Variants in KDM5A observed in about 807,000 individuals in gnomAD.
KDM5A encodes the protein lysine-specific demethylase 5A.
In KDM5A, 42 loss-of-function variants were observed where a neutral mutation model predicts 193.5. The ratio of observed to expected loss-of-function variants is 0.22; its 90% CI spans 0.17 to 0.28. The LOEUF is 0.28. Among genes scored for constraint, KDM5A ranks in the 10% least tolerant of loss-of-function variants. The probability of loss-of-function intolerance (pLI) is 1.00; values close to 1 mark genes in which losing one functional copy is unlikely to be tolerated. For synonymous variants in KDM5A, 796 were observed against 718.1 expected (o/e 1.11, Z -1.73); for missense variants, 1,692 against 2,055.1 (o/e 0.82, Z 3.42).
chr12:368,618 G>C (rs907747429), intron 3 of KDM5A, among the ~76,000 whole-genome samples: 8 of 152,116 alleles, frequency 5.3e-5, no homozygotes, highest in African/African-American at 1.9e-4. Flanking sequence ...TATCATCCCA[G>C]CTACTAGGGA....
Position 297,112 on chromosome 12 carries a change from G to A in KDM5A, c.4163C>T (p.Thr1388Ile), listed in dbSNP as rs375254444. ...AAATGAAGGTGCTGTCCACATGTGGGTCACCACCTCCTCGGATTTGATGGG... is the reference window on the plus strand; with the variant it reads ...AAATGAAGGTGCTGTCCACATGTGGATCACCACCTCCTCGGATTTGATGGG... ...EIPIKSEEVVTHMWTAPSFCA... is the reference protein window; with the variant it reads ...EIPIKSEEVVIHMWTAPSFCA... The change falls in exon 25 of 28, where the codon ACC (threonine) becomes ATC (isoleucine). Residue 1388 changes from threonine (T) to isoleucine (I), a missense_variant. Around this residue, in one of 11 missense-constraint regions of KDM5A, gnomAD observed 965 missense variants for 1,061.0 expected, o/e 0.91. Transcript: ENST00000399788. 4 of 1,613,892 alleles carry A rather than the reference G, an allele frequency of 2.5e-6. No homozygotes were observed. The highest frequency in any genetic ancestry group is 2.2e-5 in the East Asian group (1 of 44,822).
rs200223430 is a variant in KDM5A at position 349,021 on chromosome 12, C to CT, written c.1308+1599dup. Reference sequence around the variant, plus strand: ...AAGAAAAAAAAAATCAGCTTCTAGACTTTTTTTTTTTTTTTTGAGATACTG... The same window carrying CT: ...AAGAAAAAAAAAATCAGCTTCTAGACTTTTTTTTTTTTTTTTTGAGATACTG... On this transcript the variant is annotated intron_variant, in intron 10 of 27. Transcript: ENST00000399788. Among the ~76,000 whole-genome samples the CT allele has an allele frequency of 9.9e-4, 135 of 135,930 alleles. 1 individual carries two copies. The highest frequency in any genetic ancestry group is 3.8e-3 in the Middle Eastern group (1 of 266). The allele number at this position is 135,930 out of a possible 152,430, so 89.2% of individuals were successfully genotyped here. A position where few individuals can be genotyped will look rare whatever the true frequency, so the allele number is the denominator to read the frequency against.
At chr12:350,964 G>C (rs148526674) in intron 9 of KDM5A, among the ~76,000 whole-genome samples, 185 bp from the exon 10 acceptor site, 207 of 152,202 alleles carry the variant, frequency 1.4e-3, no homozygotes, top group African/African-American at 4.8e-3. Flanking sequence ...GAGACAACTC[G>C]GACGTTCAGA....
At chr12:387,926 C>G (rs1185857360) in intron 1 of KDM5A, among the ~76,000 whole-genome samples, 2 of 152,142 alleles carry the variant, frequency 1.3e-5, no homozygotes, top group East Asian at 1.9e-4. Flanking sequence ...ATTACTAATA[C>G]TAGACAAAAC....
At chr12:363,881 T>A (rs78860754) in intron 4 of KDM5A, among the ~76,000 whole-genome samples, 5 of 151,974 alleles carry the variant, frequency 3.3e-5, no homozygotes, top group Admixed American at 1.3e-4. Context: ...ACAAACTGTA[T>A]AACAAATTCA....
chr12:322,069 T>G (rs1209512866), intron 17 of KDM5A, among the ~76,000 whole-genome samples: 1 of 152,156 alleles, frequency 6.6e-6, no homozygotes, highest in Non-Finnish European at 1.5e-5. Context: ...GAAAAGCCCT[T>G]GCCAACAAAG....
In KDM5A at chr12:310,020, A is replaced by G; in HGVS notation, c.3217-56T>C. Reference sequence around the variant, plus strand: ...TGGTTTTGAAAATAATCTTAAAAGTAAAAATAATAAAGGAACCATTTGTTG... The same window carrying G: ...TGGTTTTGAAAATAATCTTAAAAGTGAAAATAATAAAGGAACCATTTGTTG... On this transcript the variant is annotated intron_variant, in intron 21 of 27. Coordinates refer to ENST00000399788, the MANE Select transcript of KDM5A (RefSeq NM_001042603.3). 1.9e-6 allele frequency: 3 copies of G among 1,564,398 alleles called. No homozygotes were observed. In the South Asian group the frequency reaches 3.5e-5, roughly 18 times the overall value.
intron 3 of KDM5A, among the ~76,000 whole-genome samples, chr12:376,678 G>GGGAGCTGTAGACC (rs1565552148): frequency 6.6e-6 from 1 of 152,002 alleles, no homozygotes; most frequent in African/African-American, 2.4e-5. Context: ...CGCTCACGCT[G>GGGAGCTGTAGACC]GGAGCTGTAG....
At chr12:287,621 G>A (rs935805099) in intron 27 of KDM5A, among the ~76,000 whole-genome samples, 23 of 152,098 alleles carry the variant, frequency 1.5e-4, no homozygotes, top group African/African-American at 4.8e-4. Context: ...TGTTTTGGCT[G>A]TTTGGGACTG....
Position 356,492 on chromosome 12 carries a change from G to C in KDM5A, c.718C>G (p.Gln240Glu), listed in dbSNP as rs2137458122. The change falls in exon 6 of 28, where the codon CAG becomes GAG. Residue 240 changes from glutamine (Q) to glutamate (E), a missense_variant. Around this residue, in one of 11 missense-constraint regions of KDM5A, gnomAD observed 134 missense variants for 124.2 expected, o/e 1.08. Transcript: ENST00000399788. Reference protein sequence around the residue: ...VSRNTELKKLQIFGAGPKVVG... With the variant: ...VSRNTELKKLEIFGAGPKVVG... Reference sequence around the variant, plus strand: ...ACCTTGGGCCCAGCCCCAAAAATCTGAAGTTTCTTCAGTTCCGTGTTTCTA... The same window carrying C: ...ACCTTGGGCCCAGCCCCAAAAATCTCAAGTTTCTTCAGTTCCGTGTTTCTA... The C allele has an allele frequency of 6.2e-7, 1 of 1,613,844 alleles. No individual in the cohort carries two copies. Among genetic ancestry groups the C allele is most frequent in the Non-Finnish European group, 8.5e-7 (1 of 1,179,788 alleles).
chr12:367,937 T>C (rs990989022), intron 3 of KDM5A, among the ~76,000 whole-genome samples: 1 of 151,902 alleles, frequency 6.6e-6, no homozygotes, highest in Non-Finnish European at 1.5e-5. Context: ...TCTAGATATA[T>C]ACTCAAAGAA....
intron 10 of KDM5A, among the ~76,000 whole-genome samples, chr12:345,857 C>G (rs965738104): frequency 2.6e-4 from 39 of 152,104 alleles, no homozygotes; most frequent in African/African-American, 9.2e-4. Flanking sequence ...ATTAAAAGAA[C>G]TAGAGAAGCA....
At chr12:340,417 C>T (rs141771713) in intron 10 of KDM5A, among the ~76,000 whole-genome samples, 3 of 152,132 alleles carry the variant, frequency 2.0e-5, no homozygotes, top group East Asian at 3.9e-4. Flanking sequence ...CATTATCAGT[C>T]GGGCACAGTG....
chr12:286,669 A>C (rs1285669905), intron 27 of KDM5A, among the ~76,000 whole-genome samples: 1 of 152,230 alleles, frequency 6.6e-6, no homozygotes, highest in African/African-American at 2.4e-5. Context: ...CTTAAGAGAA[A>C]GAACAGATGA....
At chr12:337,695 T>G (rs950757409) in intron 10 of KDM5A, among the ~76,000 whole-genome samples, 3 of 151,054 alleles carry the variant, frequency 2.0e-5, no homozygotes, top group Non-Finnish European at 4.4e-5. Context: ...AAGGCTGGAA[T>G]GTAGTGGCAC....
In KDM5A at chr12:310,756, G is replaced by T; in HGVS notation, c.3216+129C>A. The T allele has an allele frequency of 3.7e-6, 4 of 1,075,430 alleles. No individual in the cohort carries two copies. In the Admixed American group the frequency reaches 7.1e-5, roughly 19 times the overall value. The allele number at this position is 1,075,430 out of a possible 1,614,324, so 66.6% of individuals were successfully genotyped here. A position where few individuals can be genotyped will look rare whatever the true frequency, so the allele number is the denominator to read the frequency against. On this transcript the variant is annotated intron_variant, in intron 21 of 27. Coordinates refer to ENST00000399788, the MANE Select transcript of KDM5A (RefSeq NM_001042603.3). ...ATCTGCCCAAGGTTCCAGATTTCAAGTCAACATCTGATATTACCTAGTAAG... is the reference window on the plus strand; with the variant it reads ...ATCTGCCCAAGGTTCCAGATTTCAATTCAACATCTGATATTACCTAGTAAG...
intron 18 of KDM5A, among the ~76,000 whole-genome samples, chr12:319,418 C>A (rs1029679465): frequency 3.3e-5 from 5 of 152,058 alleles, no homozygotes; most frequent in Non-Finnish European, 5.9e-5. Context: ...ATATTGAACA[C>A]GGGGTATAAG....
chr12:335,050 T>TCA (rs1943911662), intron 10 of KDM5A, among the ~76,000 whole-genome samples: 1 of 148,812 alleles, frequency 6.7e-6, no homozygotes, highest in African/African-American at 2.5e-5. Flanking sequence ...ATGCAGAAAG[T>TCA]CACCACCATC....
chr12:302,098 C>T (rs1408444429), intron 24 of KDM5A, among the ~76,000 whole-genome samples: 3 of 152,126 alleles, frequency 2.0e-5, no homozygotes, highest in Admixed American at 2.0e-4. Flanking sequence ...CCATACTGCC[C>T]AAAGTAATTT....
Sources: gnomAD v4.1 joint callset for allele counts (sites outside exome capture counted in the v4.1 genomes callset) on GRCh38, gnomAD v4.1.1 for gene constraint, gnomAD v4.1.1 regional missense constraint, MANE v1.5 for transcripts, NCBI Gene and HGNC (gene_info 2026-07-23, HGNC 2026-07-21) for gene names.